MYO6: variants seen among roughly 807,000 people sequenced by gnomAD.
MYO6 encodes unconventional myosin-VI.
Under a neutral mutation model 178.7 loss-of-function variants are expected in MYO6, and 74 were observed. The observed-to-expected ratio is 0.41, with a 90% CI of 0.34 to 0.50. MYO6 has a LOEUF of 0.50. Among genes scored for constraint, MYO6 ranks in the 20% least tolerant of loss-of-function variants. MYO6 has a pLI of 0.09. For synonymous variants in MYO6, 477 were observed against 504.6 expected, an observed-to-expected ratio of 0.95 and a Z score of 0.73; for missense variants, 1,330 against 1,547.4, an observed-to-expected ratio of 0.86 and a Z score of 2.36.
intron 1 of MYO6, among the ~76,000 whole-genome samples, chr6:75,794,759 AAT>A (rs1562168589): frequency 2.6e-4 from 37 of 141,614 alleles, no homozygotes; most frequent in African/African-American, 1.0e-3. Flanking sequence ...TAAAAAAAAA[AAT>A]AAAATGTGCT....
chr6:75,907,588 A>C lies in MYO6; in HGVS notation c.3177-17A>C. Reference sequence around the variant, plus strand: ...ATGTTTCTGGTTTAAACATGCAAAAATGTGTAATAATTACAGAGGTCCTGC... The same window carrying C: ...ATGTTTCTGGTTTAAACATGCAAAACTGTGTAATAATTACAGAGGTCCTGC... On this transcript the variant is annotated splice_polypyrimidine_tract_variant and intron_variant, in intron 30 of 34. Transcript: ENST00000369977. 6.3e-7 allele frequency: 1 copy of C among 1,588,806 alleles called. No individual in the cohort carries two copies. The highest frequency in any genetic ancestry group is 2.2e-5 in the East Asian group (1 of 44,732).
At chr6:75,886,135 G>C (rs1169739114) in intron 24 of MYO6, 41 bp downstream of exon 24, 2 of 1,316,408 alleles carry the variant, frequency 1.5e-6, no homozygotes, top group African/African-American at 2.9e-5. Flanking sequence ...ACAAAACCTA[G>C]TTACTGTAAT....
At chr6:75,807,814 A>G (rs565051109) in intron 1 of MYO6, among the ~76,000 whole-genome samples, 54 of 152,280 alleles carry the variant, frequency 3.5e-4, no homozygotes, top group African/African-American at 1.3e-3. Context: ...TCTTTACTGC[A>G]GCCCGTTTTA....
At chr6:75,913,721 A>G (rs892670887) in intron 33 of MYO6, among the ~76,000 whole-genome samples, 1 of 151,936 alleles carries the variant, frequency 6.6e-6, no homozygotes, top group African/African-American at 2.4e-5. Flanking sequence ...AAATCTAGTA[A>G]ATAATAGTAG....
intron 1 of MYO6, among the ~76,000 whole-genome samples, chr6:75,760,171 A>G (rs1161639023): frequency 1.3e-5 from 2 of 152,188 alleles, no homozygotes; most frequent in African/African-American, 4.8e-5. Flanking sequence ...CCTTTTGAGG[A>G]CACATTAAAT....
At chr6:75,818,578 T>C (rs1771527857) in intron 2 of MYO6, among the ~76,000 whole-genome samples, 1 of 152,226 alleles carries the variant, frequency 6.6e-6, no homozygotes, top group South Asian at 2.1e-4. Flanking sequence ...TACTTTAGAC[T>C]GAAAATGTTC....
intron 1 of MYO6, among the ~76,000 whole-genome samples, chr6:75,763,126 A>G (rs1261951799): frequency 6.6e-6 from 1 of 151,472 alleles, no homozygotes; most frequent in Non-Finnish European, 1.5e-5. Flanking sequence ...GTCCGAGATC[A>G]AGCGATTCTC....
At chr6:75,803,635 TAATTA>T (rs1284177848) in intron 1 of MYO6, among the ~76,000 whole-genome samples, 1 of 152,214 alleles carries the variant, frequency 6.6e-6, no homozygotes, top group Non-Finnish European at 1.5e-5. Context: ...AATTACTTCT[TAATTA>T]AATTGTGGTA....
At chr6:75,812,543 A>G (rs1770797266) in intron 1 of MYO6, among the ~76,000 whole-genome samples, 1 of 152,088 alleles carries the variant, frequency 6.6e-6, no homozygotes, top group Admixed American at 6.5e-5. Context: ...CAAGTACTAG[A>G]TTTTATTAAT....
Position 75,886,852 on chromosome 6 carries a change from G to A in MYO6, c.2516G>A (p.Gly839Asp), listed in dbSNP as rs1778474965. The change falls in exon 25 of 35, where the codon GGT becomes GAT. Residue 839 changes from glycine to aspartate, a missense_variant. By Grantham distance (94) the Gly-to-Asp change is moderately conservative. This residue lies in a region of MYO6 where 601 missense variants were observed against 626.1 expected (regional missense o/e 0.96). Transcript: ENST00000369977. The stretch of plus-strand genomic sequence containing the variant: ...AAGTATTATTTTTACAGCATTGATG[G>A]TCTGGTTAAGGTGGGCACACTGAAA... ...CKRRHKPRIDGLVKVGTLKKR... is the reference protein window; with the variant it reads ...CKRRHKPRIDDLVKVGTLKKR... 1.2e-6 allele frequency: 2 copies of A among 1,613,524 alleles called. No individual in the cohort carries two copies. Among genetic ancestry groups the A allele is most frequent in the Admixed American group, 1.7e-5 (1 of 59,992 alleles).
At chr6:75,839,423 C>G (rs1301058660) in intron 7 of MYO6, among the ~76,000 whole-genome samples, 1 of 152,032 alleles carries the variant, frequency 6.6e-6, no homozygotes, top group Admixed American at 6.5e-5. Context: ...CTTCAGCCCT[C>G]GAGATCCGCC....
At chr6:75,902,942 T>G (rs957400133) in intron 30 of MYO6, among the ~76,000 whole-genome samples, 2 of 151,928 alleles carry the variant, frequency 1.3e-5, no homozygotes, top group African/African-American at 2.4e-5. Context: ...TTCTCGTTGG[T>G]TTCAAAGAAC....
In MYO6 at chr6:75,822,835, AG is replaced by A; in HGVS notation, c.172del (p.Asp58MetfsTer8). ...TTCCTGCAGAAGAGGACAGTAAAAA[AG>A]ATGTGGAAGATAACTGTAAGTACCA... ...VFPAEEDSKK[D>X]VEDNCSLMYL... is the part of the protein sequence containing the mutation. On this transcript the variant is annotated frameshift_variant, in exon 3 of 35. Coordinates refer to ENST00000369977, the MANE Select transcript of MYO6 (RefSeq NM_004999.4). LOFTEE classifies it high-confidence loss of function. 6.2e-7 allele frequency: 1 copy of A among 1,613,004 alleles called. No individual in the cohort carries two copies. Among genetic ancestry groups the A allele is most frequent in the Non-Finnish European group, 8.5e-7 (1 of 1,179,214 alleles).
At chr6:75,895,384 T>C (rs1037910067) in intron 29 of MYO6, 124 bp downstream of exon 29, 5 of 782,072 alleles carry the variant, frequency 6.4e-6, no homozygotes, top group East Asian at 2.7e-5. Context: ...ACCTTTTTCA[T>C]ATTTTTCTTG....
intron 1 of MYO6, among the ~76,000 whole-genome samples, chr6:75,750,361 C>T (rs959156408): frequency 2.0e-5 from 3 of 152,020 alleles, no homozygotes; most frequent in African/African-American, 7.2e-5. Context: ...TCCCAAAGTG[C>T]TGGGATTACA....
intron 22 of MYO6, among the ~76,000 whole-genome samples, chr6:75,881,094 A>T (rs1376649421): frequency 1.3e-5 from 2 of 152,154 alleles, no homozygotes. Flanking sequence ...TCTACAAAAA[A>T]ATACAAAAAT....
chr6:75,822,766 T>A lies in MYO6; in HGVS notation c.118-16T>A. The A allele has an allele frequency of 6.2e-7, 1 of 1,610,358 alleles. No individual in the cohort carries two copies. Among genetic ancestry groups the A allele is most frequent in the South Asian group, 1.1e-5 (1 of 91,006 alleles). On this transcript the variant is annotated splice_polypyrimidine_tract_variant and intron_variant, in intron 2 of 34. Coordinates refer to ENST00000369977, the MANE Select transcript of MYO6 (RefSeq NM_004999.4). ...TAAAAGCCTTGAGTTTAATGAGCAT[T>A]TGTTTTGCTTGTTAGACATTTTTGG...
intron 9 of MYO6, among the ~76,000 whole-genome samples, chr6:75,842,378 G>A (rs913237390): frequency 5.3e-5 from 8 of 152,170 alleles, no homozygotes; most frequent in Non-Finnish European, 4.4e-5. Context: ...AAGGAATGTC[G>A]TCTGTATAGA....
At chr6:75,786,742 T>A (rs1298776783) in intron 1 of MYO6, among the ~76,000 whole-genome samples, 1 of 152,216 alleles carries the variant, frequency 6.6e-6, no homozygotes, top group African/African-American at 2.4e-5. Flanking sequence ...CATTTTCTCT[T>A]TCTCTGTACA....
Sources: gnomAD v4.1 joint callset for allele counts (sites outside exome capture counted in the v4.1 genomes callset) on GRCh38, gnomAD v4.1.1 for gene constraint, gnomAD v4.1.1 regional missense constraint, MANE v1.5 for transcripts, NCBI Gene and HGNC (gene_info 2026-07-23, HGNC 2026-07-21) for gene names.